The following RNF216 variants were observed in gnomAD, a reference collection of about 807,000 sequenced individuals.
RNF216 encodes the protein ring finger protein 216.
In RNF216, 72 loss-of-function variants were observed where a neutral mutation model predicts 110.8. That is an observed-to-expected ratio of 0.65 (90% CI 0.54 to 0.79). RNF216 has a LOEUF of 0.79. RNF216 is among the 30% of genes least tolerant of loss of function. The pLI, the probability that RNF216 is intolerant of heterozygous loss-of-function variation, is 0.00. For synonymous variants in RNF216, 495 were observed against 407.5 expected (o/e 1.21, Z -2.59); for missense variants, 1,342 against 1,141.2 (o/e 1.18, Z -2.54).
rs1231764894 is a variant in RNF216, at chr7:5,621,586, G to A, written c.*1274C>T. The A allele has an allele frequency of 1.3e-5, 2 of 152,298 alleles. No individual in the cohort carries two copies. Among genetic ancestry groups the A allele is most frequent in the African/African-American group, 2.4e-5 (1 of 41,480 alleles). The allele number at this position is 152,298 out of a possible 1,614,324, so 9.4% of individuals were successfully genotyped here. Reference sequence around the variant, plus strand: ...TCAGGAGGTGGCGGGCCACTCCGGAGACTGATGCAGCCCCACCCCAATGGT... The same window carrying A: ...TCAGGAGGTGGCGGGCCACTCCGGAAACTGATGCAGCCCCACCCCAATGGT... On this transcript the variant is annotated 3_prime_UTR_variant, in exon 17 of 17. Coordinates refer to ENST00000389902, the MANE Select transcript of RNF216 (RefSeq NM_207111.4).
At chr7:5,667,515 C>T (rs966050415) in intron 13 of RNF216, among the ~76,000 whole-genome samples, 1 of 152,230 alleles carries the variant, frequency 6.6e-6, no homozygotes, top group African/African-American at 2.4e-5. Flanking sequence ...GGGAACCCCC[C>T]AGCCTTCTCC....
At chr7:5,629,615 T>C (rs1304408142) in intron 15 of RNF216, among the ~76,000 whole-genome samples, 1 of 151,800 alleles carries the variant, frequency 6.6e-6, no homozygotes, top group South Asian at 2.1e-4. Context: ...GATCACGACG[T>C]CAGGAGTTTG....
intron 13 of RNF216, among the ~76,000 whole-genome samples, chr7:5,691,621 A>G (rs922346951): frequency 2.0e-5 from 3 of 152,220 alleles, no homozygotes; most frequent in African/African-American, 7.2e-5. Context: ...CTTAGGGGCA[A>G]CATGTATGGC....
At position 5,762,144 on chromosome 7, in the gene RNF216, T is replaced by C. The variant is rs116643401; in HGVS notation, c.-69-1006A>G. ...ATTCATATGATACAACACAGTTAAA[T>C]TAACTAATGTTAAATGAAAATAAGT... On this transcript the variant is annotated intron_variant, in intron 1 of 16. Coordinates refer to ENST00000389902, the MANE Select transcript of RNF216 (RefSeq NM_207111.4). 7.8e-3 allele frequency among the ~76,000 whole-genome samples: 1,184 copies of C among 152,244 alleles called. 9 individuals are homozygous for C. The highest frequency in any genetic ancestry group is 0.026 in the African/African-American group (1,088 of 41,560).
In RNF216 at chr7:5,719,209, A is replaced by G. The variant is rs561306233; in HGVS notation, c.1644+1824T>C. On this transcript the variant is annotated intron_variant, in intron 9 of 16. Coordinates refer to ENST00000389902, the MANE Select transcript of RNF216 (RefSeq NM_207111.4). ...CAGCCTGGACAGCATGGGGAAACCC[A>G]GGCTCTACAAAAAAAGTTAGCCAGG... is the stretch of plus-strand genomic sequence containing the variant. Among the ~76,000 whole-genome samples the G allele has an allele frequency of 9.9e-5, 15 of 152,224 alleles. No individual in the cohort carries two copies. In the East Asian group the frequency reaches 2.7e-3, roughly 28 times the overall value.
intron 13 of RNF216, among the ~76,000 whole-genome samples, chr7:5,660,942 G>GGGTTTTTTTT (rs1789080021): frequency 8.3e-6 from 1 of 120,986 alleles, no homozygotes; most frequent in Admixed American, 8.6e-5. Context: ...TGAAGCCTTA[G>GGGTTTTTTTT]GTTTTTTTTT....
chr7:5,712,676 G>T (rs768172393), intron 12 of RNF216, 39 bp downstream of exon 12: 3 of 1,610,206 alleles, frequency 1.9e-6, no homozygotes, highest in East Asian at 4.5e-5. Context: ...TCACAATGGG[G>T]AAGAGTTGGC....
At chr7:5,738,388 C>T (rs1794557805) in intron 5 of RNF216, among the ~76,000 whole-genome samples, 3 of 151,890 alleles carry the variant, frequency 2.0e-5, no homozygotes, top group Non-Finnish European at 4.4e-5. Context: ...ATATGTCTGG[C>T]CCGTATTTAT....
At chr7:5,634,041 A>T (rs1787245220) in intron 15 of RNF216, among the ~76,000 whole-genome samples, 2 of 152,234 alleles carry the variant, frequency 1.3e-5, no homozygotes, top group South Asian at 4.1e-4. Context: ...TATGAACAGT[A>T]ATCAGCAGCC....
chr7:5,778,713 G>T lies in RNF216; in HGVS notation c.-70+2828C>A, dbSNP rs1036606809. 2.0e-5 allele frequency among the ~76,000 whole-genome samples: 3 copies of T among 152,064 alleles called. No individual in the cohort carries two copies. The East Asian group carries it at 5.8e-4, about 29-fold the overall frequency. ...CTGACCCTTACAAGTTTTGGGACTA[G>T]ATATTTTTCAGCACCTCAGTTTCTT... On this transcript the variant is annotated intron_variant, in intron 1 of 16. Transcript: ENST00000389902.
chr7:5,689,362 T>TAA (rs72421808), intron 13 of RNF216, among the ~76,000 whole-genome samples: 1,924 of 127,410 alleles, frequency 0.015, 34 homozygotes, highest in East Asian at 0.074. Flanking sequence ...TTTGTAGTAT[T>TAA]AAAAAAAAAA....
rs1207162923 is a variant in RNF216 at position 5,641,379 on chromosome 7, G to A, written c.2160-3C>T. ...GGGCAGCAGTCATTTTTTCTTCACT[G>A]AAATAAGAAAACATAATTTGGAGCT... On this transcript the variant is annotated splice_polypyrimidine_tract_variant and splice_region_variant and intron_variant, in intron 14 of 16. Transcript: ENST00000389902. The A allele has an allele frequency of 1.9e-6, 3 of 1,608,874 alleles. No homozygotes were observed. The highest frequency in any genetic ancestry group is 2.6e-6 in the Non-Finnish European group (3 of 1,175,980).
intron 13 of RNF216, among the ~76,000 whole-genome samples, chr7:5,662,982 G>A (rs1034934559): frequency 1.3e-5 from 2 of 152,084 alleles, no homozygotes; most frequent in African/African-American, 4.8e-5. Context: ...CACCCCCTAT[G>A]CCCTCAATGG....
chr7:5,643,401 C>T (rs151197918), intron 14 of RNF216, among the ~76,000 whole-genome samples: 78 of 151,278 alleles, frequency 5.2e-4, no homozygotes, highest in Admixed American at 1.9e-3. Flanking sequence ...AACACAGCCC[C>T]GCAGGATGTG....
intron 13 of RNF216, among the ~76,000 whole-genome samples, chr7:5,669,148 G>A (rs145060051): frequency 1.3e-5 from 2 of 152,320 alleles, no homozygotes; most frequent in African/African-American, 4.8e-5. Context: ...AGGACTGTCT[G>A]CACCTGCCAG....
At chr7:5,745,891 C>CT (rs1283466075) in intron 3 of RNF216, among the ~76,000 whole-genome samples, 3 of 26,330 alleles carry the variant, frequency 1.1e-4, no homozygotes, top group African/African-American at 1.7e-4. Flanking sequence ...TTGAGACTGT[C>CT]TTAAAAAAAA....
At chr7:5,712,164 G>A (rs1296553327) in intron 12 of RNF216, among the ~76,000 whole-genome samples, 1 of 152,200 alleles carries the variant, frequency 6.6e-6, no homozygotes, top group Non-Finnish European at 1.5e-5. Flanking sequence ...AGATTTGGGG[G>A]TGCCAAGATA....
At chr7:5,661,506 T>A (rs1231482602) in intron 13 of RNF216, among the ~76,000 whole-genome samples, 1 of 152,134 alleles carries the variant, frequency 6.6e-6, no homozygotes, top group Non-Finnish European at 1.5e-5. Flanking sequence ...TTCCCATTTT[T>A]AAAAAAGTAA....
At chr7:5,703,341 C>T (rs1490531809) in intron 13 of RNF216, among the ~76,000 whole-genome samples, 2 of 152,260 alleles carry the variant, frequency 1.3e-5, no homozygotes, top group Non-Finnish European at 2.9e-5. Context: ...AGTCAGCTGA[C>T]TGGCTGGGCC....
Sources: gnomAD v4.1 joint callset for allele counts (sites outside exome capture counted in the v4.1 genomes callset) on GRCh38, gnomAD v4.1.1 for gene constraint, MANE v1.5 for transcripts, NCBI Gene and HGNC (gene_info 2026-07-23, HGNC 2026-07-21) for gene names.